Variants in XKR6 observed in about 807,000 individuals in gnomAD.
The protein encoded by XKR6 is XK-related protein 6.
In XKR6, 22 loss-of-function variants were observed where a neutral mutation model predicts 56.7. The observed-to-expected ratio is 0.39, with a 90% CI of 0.28 to 0.55. XKR6 has a LOEUF of 0.55. XKR6 is among the 20% of genes least tolerant of loss of function. The pLI, the probability that XKR6 is intolerant of heterozygous loss-of-function variation, is 0.66. For missense variants in XKR6, 852 were observed against 889.0 expected, an observed-to-expected ratio of 0.96 and a Z score of 0.53; for synonymous variants, 524 against 387.8, an observed-to-expected ratio of 1.35 and a Z score of -4.13.
chr8:11,163,933 G>C (rs1460330127), intron 1 of XKR6, among the ~76,000 whole-genome samples: 2 of 152,146 alleles, frequency 1.3e-5, no homozygotes, highest in Non-Finnish European at 2.9e-5. Flanking sequence ...CAAAAGTAGA[G>C]AGAGACATCA....
Position 11,035,819 on chromosome 8 carries a change from C to T in XKR6, c.765-110989G>A, listed in dbSNP as rs141904776. Among the ~76,000 whole-genome samples, 203 of 152,140 alleles carry T rather than the reference C, an allele frequency of 1.3e-3. 2 individuals carry two copies. The Middle Eastern group carries it at 0.034, about 25-fold the overall frequency. ...GGAGGTAAGTGGTTTCCCTGAAATGCCACAGGTCTGATTTTTTTCCCTGAA... is the reference window on the plus strand; with the variant it reads ...GGAGGTAAGTGGTTTCCCTGAAATGTCACAGGTCTGATTTTTTTCCCTGAA... On this transcript the variant is annotated intron_variant, in intron 1 of 2. Coordinates refer to ENST00000416569, the MANE Select transcript of XKR6 (RefSeq NM_173683.4).
intron 1 of XKR6, among the ~76,000 whole-genome samples, chr8:10,986,196 A>T (rs1444781738): frequency 6.6e-6 from 1 of 152,234 alleles, no homozygotes; most frequent in African/African-American, 2.4e-5. Context: ...ATTATTTAAT[A>T]AGTGATGGTG....
At chr8:11,098,488 G>C (rs948755093) in intron 1 of XKR6, among the ~76,000 whole-genome samples, 3 of 152,146 alleles carry the variant, frequency 2.0e-5, no homozygotes, top group Non-Finnish European at 2.9e-5. Flanking sequence ...GTGTCAGAAA[G>C]CACAATTTGG....
At chr8:11,037,344 G>A (rs893381570) in intron 1 of XKR6, among the ~76,000 whole-genome samples, 3 of 152,122 alleles carry the variant, frequency 2.0e-5, no homozygotes, top group African/African-American at 7.2e-5. Context: ...TCCTGCCTAG[G>A]CCTCCTGAGT....
intron 2 of XKR6, among the ~76,000 whole-genome samples, chr8:10,920,970 G>A (rs1207661765): frequency 6.6e-6 from 1 of 152,254 alleles, no homozygotes; most frequent in Non-Finnish European, 1.5e-5. Context: ...ACAGGGGATT[G>A]CAGGGAGGAG....
intron 1 of XKR6, among the ~76,000 whole-genome samples, chr8:11,068,289 G>A (rs1316294715): frequency 6.6e-6 from 1 of 152,114 alleles, no homozygotes; most frequent in East Asian, 1.9e-4. Flanking sequence ...GGCGGCTATG[G>A]TCATCTTGAT....
intron 1 of XKR6, among the ~76,000 whole-genome samples, chr8:11,150,062 G>A (rs1036546022): frequency 1.9e-4 from 29 of 152,204 alleles, no homozygotes; most frequent in African/African-American, 6.5e-4. Context: ...GATACCAGAG[G>A]CTGGGAAGAG....
chr8:11,047,084 G>A (rs1038469954), intron 1 of XKR6, among the ~76,000 whole-genome samples: 3 of 152,124 alleles, frequency 2.0e-5, no homozygotes, highest in Non-Finnish European at 4.4e-5. Flanking sequence ...CGCACAGCAT[G>A]GTGACTATAG....
At chr8:10,901,307 T>C (rs931900913) in intron 2 of XKR6, among the ~76,000 whole-genome samples, 1 of 152,120 alleles carries the variant, frequency 6.6e-6, no homozygotes, top group Non-Finnish European at 1.5e-5. Context: ...CTGCCCACCT[T>C]GGCCTCCCAA....
At chr8:10,985,143 C>T (rs945715200) in intron 1 of XKR6, among the ~76,000 whole-genome samples, 7 of 151,894 alleles carry the variant, frequency 4.6e-5, no homozygotes, top group East Asian at 1.9e-4. Context: ...GGGGGTGATA[C>T]GGTTTTGCTG....
At chr8:11,116,729 C>T (rs138756051) in intron 1 of XKR6, among the ~76,000 whole-genome samples, 269 of 152,240 alleles carry the variant, frequency 1.8e-3, no homozygotes, top group African/African-American at 6.2e-3. Context: ...ATTCGCCTCC[C>T]GAACTCAGAT....
chr8:10,989,606 AG>A (rs58989259), intron 1 of XKR6, among the ~76,000 whole-genome samples: 37,537 of 152,146 alleles, frequency 0.25, 5,365 homozygotes, highest in Middle Eastern at 0.34. Context: ...ACATTCTGTA[AG>A]TTCCTTAGCC....
chr8:11,009,707 A>T (rs1344977104), intron 1 of XKR6, among the ~76,000 whole-genome samples: 1 of 152,238 alleles, frequency 6.6e-6, no homozygotes, highest in Non-Finnish European at 1.5e-5. Context: ...CTGTGGAGAC[A>T]TGATGGCATC....
chr8:11,118,920 T>C lies in XKR6; in HGVS notation c.764+81656A>G, dbSNP rs368478479. ...GATGTTAGGGTGTCAATTTTAGATCTTTCCTGCTTTCTCTTGTGGGCATTT... is the reference window on the plus strand; with the variant it reads ...GATGTTAGGGTGTCAATTTTAGATCCTTCCTGCTTTCTCTTGTGGGCATTT... On this transcript the variant is annotated intron_variant, in intron 1 of 2. Coordinates refer to ENST00000416569, the MANE Select transcript of XKR6 (RefSeq NM_173683.4). 2.0e-4 allele frequency among the ~76,000 whole-genome samples: 30 copies of C among 152,366 alleles called. No homozygotes were observed. In the East Asian group the frequency reaches 5.8e-3, roughly 29 times the overall value.
At chr8:10,910,216 A>C (rs985801739) in intron 2 of XKR6, among the ~76,000 whole-genome samples, 3 of 152,152 alleles carry the variant, frequency 2.0e-5, no homozygotes, top group Non-Finnish European at 4.4e-5. Flanking sequence ...ACAAAGAATG[A>C]CTTGGCCCCA....
intron 1 of XKR6, among the ~76,000 whole-genome samples, chr8:11,045,415 T>C (rs527267630): frequency 1.2e-4 from 19 of 152,320 alleles, no homozygotes; most frequent in African/African-American, 4.3e-4. Flanking sequence ...ATATTAAATA[T>C]ATCAATCTGA....
At chr8:11,077,982 G>T (rs1800319698) in intron 1 of XKR6, among the ~76,000 whole-genome samples, 1 of 152,122 alleles carries the variant, frequency 6.6e-6, no homozygotes, top group South Asian at 2.1e-4. Flanking sequence ...TGGGTGGGCA[G>T]ACCTGACAAG....
At chr8:11,072,790 C>T (rs1045731983) in intron 1 of XKR6, among the ~76,000 whole-genome samples, 6 of 150,454 alleles carry the variant, frequency 4.0e-5, no homozygotes, top group African/African-American at 1.5e-4. Context: ...GTAGCTCAAG[C>T]CTATAATCCC....
intron 1 of XKR6, among the ~76,000 whole-genome samples, chr8:11,196,984 G>C (rs1460157338): frequency 6.7e-6 from 1 of 150,336 alleles, no homozygotes; most frequent in African/African-American, 2.4e-5. Flanking sequence ...TTTGTAGAGA[G>C]CTGCATATCC....
Sources: gnomAD v4.1 joint callset for allele counts (sites outside exome capture counted in the v4.1 genomes callset) on GRCh38, gnomAD v4.1.1 for gene constraint, MANE v1.5 for transcripts, NCBI Gene and HGNC (gene_info 2026-07-23, HGNC 2026-07-21) for gene names.